Variants in SALL2 observed in about 807,000 individuals in gnomAD.
SALL2 encodes the protein sal-like protein 2.
A neutral mutation model predicts 58.5 loss-of-function variants in SALL2; 32 were observed. That is an observed-to-expected ratio of 0.55 (90% CI 0.41 to 0.74). The LOEUF is 0.74. SALL2 is among the 30% of genes least tolerant of loss of function. The pLI is 0.00. For synonymous variants in SALL2, 516 were observed against 513.6 expected, an observed-to-expected ratio of 1.00 and a Z score of -0.06; for missense variants, 1,201 against 1,268.9, an observed-to-expected ratio of 0.95 and a Z score of 0.81.
intron 1 of SALL2, among the ~76,000 whole-genome samples, chr14:21,534,040 A>G (rs535257349): frequency 2.2e-4 from 34 of 152,366 alleles, no homozygotes; most frequent in African/African-American, 7.9e-4. Flanking sequence ...ACATAAGTGA[A>G]TAGAAACCCT....
chr14:21,529,001 T>TAATG (rs1461247460), upstream of SALL2, among the ~76,000 whole-genome samples: 1 of 152,248 alleles, frequency 6.6e-6, no homozygotes, highest in African/African-American at 2.4e-5. Flanking sequence ...TCTTGCTCTT[T>TAATG]AATGAAATGT....
In SALL2 at chr14:21,525,984, C is replaced by G. The variant is rs1489133710; in HGVS notation, c.67+77G>C. 1.5e-6 allele frequency: 2 copies of G among 1,304,680 alleles called. No individual in the cohort carries two copies. The highest frequency in any genetic ancestry group is 1.5e-5 in the African/African-American group (1 of 68,352). The allele number at this position is 1,304,680 out of a possible 1,614,324, so 80.8% of individuals were successfully genotyped here. A position where few individuals can be genotyped will look rare whatever the true frequency, so the allele number is the denominator to read the frequency against. ...GCAGAGAATCATGCATTTTCTCCCACCCACCGAAAGTCTTCGCCGCCCCTG... is the reference window on the plus strand; with the variant it reads ...GCAGAGAATCATGCATTTTCTCCCAGCCACCGAAAGTCTTCGCCGCCCCTG... On this transcript the variant is annotated intron_variant, in intron 1 of 1. Transcript: ENST00000537235. This position sits in a 1 kb window ranked among gnomAD's most constrained non-coding sequence, Gnocchi z 4.4.
chr14:21,522,481 C>T lies in SALL2; in HGVS notation c.*223G>A. ...AGAAAGCTGCAGAGAATCTATGTTC[C>T]TCAGGTACAAAGAATGAGGAGGGAA... On this transcript the variant is annotated 3_prime_UTR_variant, in exon 2 of 2. Transcript: ENST00000537235. 2.2e-6 allele frequency: 3 copies of T among 1,395,352 alleles called. No individual in the cohort carries two copies. 86.4% of individuals were successfully genotyped at this position (1,395,352 alleles called of 1,614,324 possible).
chr14:21,526,225 C>T lies in SALL2; in HGVS notation c.-98G>A. 14 of 1,495,846 alleles carry T rather than the reference C, an allele frequency of 9.4e-6. No homozygotes were observed. The highest frequency in any genetic ancestry group is 1.2e-5 in the Non-Finnish European group (13 of 1,124,292). The allele number at this position is 1,495,846 out of a possible 1,614,324, so 92.7% of individuals were successfully genotyped here. A position where few individuals can be genotyped will look rare whatever the true frequency, so the allele number is the denominator to read the frequency against. ...CTGGGTCTGCGGCAGCCTCTGCACC[C>T]AGCGGCCCAGACTGCGGAGATGGAG... On this transcript the variant is annotated 5_prime_UTR_variant, in exon 1 of 2. Coordinates refer to ENST00000537235, the MANE Select transcript of SALL2 (RefSeq NM_001364564.1).
rs1279839704 is a variant in SALL2, at chr14:21,524,652, T to C, written c.1070A>G (p.Tyr357Cys). 2 of 1,614,144 alleles carry C rather than the reference T, an allele frequency of 1.2e-6. No individual in the cohort carries two copies. The highest frequency in any genetic ancestry group is 2.2e-5 in the South Asian group (2 of 91,090). ...CTCCAAGGGACCCATCACTTCTCCG[T>C]AGCTCAGCTCACCACTTCCATTCTT... The part of the protein sequence containing the change: ...KPKNGSGELS[Y>C]GEVMGPLEKP... The change falls in exon 2 of 2, where the codon TAC (tyrosine) becomes TGC (cysteine). Residue 357 changes from tyrosine to cysteine, a missense_variant. By Grantham distance (194) the Tyr-to-Cys change is radical (BLOSUM62 -2). Around this residue, in one of 3 missense-constraint regions of SALL2, gnomAD observed 467 missense variants for 468.9 expected, o/e 1.00. Transcript: ENST00000537235.
Position 21,522,935 on chromosome 14 carries a change from C to A in SALL2, c.2787G>T (p.Lys929Asn). 1.2e-6 allele frequency: 2 copies of A among 1,614,042 alleles called. No individual in the cohort carries two copies. Among genetic ancestry groups the A allele is most frequent in the Non-Finnish European group, 1.7e-6 (2 of 1,179,976 alleles). Residue 929 changes from lysine to asparagine, a missense_variant, in exon 2 of 2, where the codon AAG becomes AAT. This residue lies in a region of SALL2 where 675 missense variants were observed against 683.8 expected (regional missense o/e 0.99). Transcript: ENST00000537235. ...PSQAALEEHQ[K>N]THPKEGPLFT... ...AGAGCGGCCCCTCCTTGGGGTGGGT[C>A]TTCTGATGCTCCTCCAGAGCTGCCT...
chr14:21,535,289 G>A (rs980535594), intron 1 of SALL2, among the ~76,000 whole-genome samples: 1 of 149,482 alleles, frequency 6.7e-6, no homozygotes, highest in Non-Finnish European at 1.5e-5. Context: ...AGCGGGCAGT[G>A]AGCCAAGATT....
chr14:21,535,324 G>A (rs1477803299), intron 1 of SALL2, among the ~76,000 whole-genome samples: 9 of 142,730 alleles, frequency 6.3e-5, no homozygotes, highest in East Asian at 4.0e-4. Context: ...CAACCTGGGC[G>A]ACAGAGCGAG....
rs1299128097 is a variant in SALL2, at chr14:21,525,018, G to A, written c.704C>T (p.Pro235Leu). 4.3e-6 allele frequency: 7 copies of A among 1,613,738 alleles called. No homozygotes were observed. Among genetic ancestry groups the A allele is most frequent in the East Asian group, 2.2e-5 (1 of 44,888 alleles). ...GATGGGGCTGAAGAGGGGTAGTAGG[G>A]GCTTGGTGGAAGAGGCAGTCCCTGT... Reference protein sequence around the residue: ...PGTGTASSTKPLLPLFSPIKP... With the variant: ...PGTGTASSTKLLLPLFSPIKP... The change falls in exon 2 of 2, where the codon CCC becomes CTC. Residue 235 changes from proline to leucine, a missense_variant. Pro to Leu is a moderately conservative substitution (Grantham distance 98). Transcript: ENST00000537235. The surrounding 1 kb of genome is among the most constrained non-coding windows in gnomAD (Gnocchi z 4.4).
chr14:21,525,353 G>A lies in SALL2; in HGVS notation c.369C>T (p.Phe123=), dbSNP rs1338146595. 2 of 1,614,028 alleles carry A rather than the reference G, an allele frequency of 1.2e-6. No individual in the cohort carries two copies. Among genetic ancestry groups the A allele is most frequent in the Admixed American group, 3.3e-5 (2 of 60,008 alleles). The change falls in exon 2 of 2, where the codon TTC becomes TTT. Residue 123 remains phenylalanine (F), a synonymous_variant. Transcript: ENST00000537235. The surrounding 1 kb of genome is among the most constrained non-coding windows in gnomAD (Gnocchi z 4.4). ...CCGCTGTACCTGTGGCAGCGACCAGGAAATGCCCTGAAGACTCCTCTCCTC... is the reference window on the plus strand; with the variant it reads ...CCGCTGTACCTGTGGCAGCGACCAGAAAATGCCCTGAAGACTCCTCTCCTC... ...ERRGEESSGH[F]LVAATGTAAG...
At chr14:21,536,715 C>T (rs1050919138) in intron 1 of SALL2, 1 of 643,678 alleles carries the variant, frequency 1.6e-6, no homozygotes, top group Non-Finnish European at 2.8e-6. Flanking sequence ...CCCTGCATCT[C>T]AACTCCTTCA....
In SALL2 at chr14:21,524,617, C is replaced by T; in HGVS notation, c.1105G>A (p.Gly369Arg). 6.2e-7 allele frequency: 1 copy of T among 1,614,202 alleles called. No individual in the cohort carries two copies. Among genetic ancestry groups the T allele is most frequent in the Non-Finnish European group, 8.5e-7 (1 of 1,180,028 alleles). ...EVMGPLEKPG[G>R]RHKCRFCAKV... ...GCACAGAAGCGGCATTTGTGCCTTC[C>T]ACCAGGCTTCTCCAAGGGACCCATC... The change falls in exon 2 of 2, where the codon GGA (glycine) becomes AGA (arginine). Residue 369 changes from glycine to arginine, a missense_variant. This residue lies in a region of SALL2 where 467 missense variants were observed against 468.9 expected (regional missense o/e 1.00). Coordinates refer to ENST00000537235, the MANE Select transcript of SALL2 (RefSeq NM_001364564.1).
intron 1 of SALL2, among the ~76,000 whole-genome samples, chr14:21,533,779 G>A (rs950193611): frequency 1.3e-5 from 2 of 152,044 alleles, no homozygotes; most frequent in African/African-American, 4.8e-5. Context: ...CAGAATTTTG[G>A]CTTTTAAAAT....
chr14:21,535,729 T>C (rs1892581080), intron 1 of SALL2, among the ~76,000 whole-genome samples: 1 of 152,216 alleles, frequency 6.6e-6, no homozygotes, highest in Admixed American at 6.5e-5. Flanking sequence ...CTTAATCCTA[T>C]ACTATACTGT....
In SALL2 at chr14:21,536,673, G is replaced by A. The variant is rs562803606; in HGVS notation, c.-114+289C>T. On this transcript the variant is annotated intron_variant, in intron 1 of 1. Coordinates refer to the SALL2 transcript ENST00000541965. ...CAGAATCAATCCCAAGTAACAAGCG[G>A]GGCTTCTCCCCAGCGCAGGTCATCT... Among the ~76,000 whole-genome samples, 61 of 152,270 alleles carry A rather than the reference G, an allele frequency of 4.0e-4. 1 individual carries two copies. Among genetic ancestry groups the A allele is most frequent in the Non-Finnish European group, 7.2e-4 (49 of 68,020 alleles).
At chr14:21,535,360 AAAAAAG>A (rs1351138279) in intron 1 of SALL2, among the ~76,000 whole-genome samples, 1 of 149,628 alleles carries the variant, frequency 6.7e-6, no homozygotes, top group East Asian at 2.2e-4. Context: ...AAAAAAAAGA[AAAAAAG>A]AAAAAGAAAA....
chr14:21,523,904 G>A lies in SALL2; in HGVS notation c.1818C>T (p.Thr606=), dbSNP rs1892160740. The change falls in exon 2 of 2, where the codon ACC becomes ACT. Residue 606 remains threonine, a synonymous_variant. Coordinates refer to ENST00000537235, the MANE Select transcript of SALL2 (RefSeq NM_001364564.1). This position sits in a 1 kb window ranked among gnomAD's most constrained non-coding sequence, Gnocchi z 4.4. ...KIDRQGAVAV[T]SAASGAPTTS... The stretch of plus-strand genomic sequence containing the variant: ...TGGTGGGGGCTCCTGAGGCAGCTGA[G>A]GTCACCGCCACAGCTCCTTGCCGGT... 1.2e-6 allele frequency: 2 copies of A among 1,614,100 alleles called. No individual in the cohort carries two copies. Among genetic ancestry groups the A allele is most frequent in the Non-Finnish European group, 1.7e-6 (2 of 1,180,054 alleles).
chr14:21,532,836 G>A (rs981712563), intron 1 of SALL2, among the ~76,000 whole-genome samples: 7 of 151,524 alleles, frequency 4.6e-5, no homozygotes, highest in Admixed American at 6.6e-5. Context: ...GGTGGCGGGC[G>A]CCTGTAGTCC....
Position 21,524,220 on chromosome 14 carries a change from G to T in SALL2, c.1502C>A (p.Pro501Gln). Residue 501 changes from proline (P) to glutamine (Q), a missense_variant, in exon 2 of 2, where the codon CCA (proline) becomes CAA (glutamine). Pro to Gln is a moderately conservative substitution (Grantham distance 76, BLOSUM62 -1). Transcript: ENST00000537235. ...AAACTTATTGAAAGCAGGGAGTCCTGGAGCCGTGGCTGTGCCTGCACTGGT... is the reference window on the plus strand; with the variant it reads ...AAACTTATTGAAAGCAGGGAGTCCTTGAGCCGTGGCTGTGCCTGCACTGGT... Reference protein sequence around the residue: ...LSTSAGTATAPGLPAFNKFVL... With the variant: ...LSTSAGTATAQGLPAFNKFVL... 6.2e-7 allele frequency: 1 copy of T among 1,612,578 alleles called. No individual in the cohort carries two copies. The highest frequency in any genetic ancestry group is 2.2e-5 in the East Asian group (1 of 44,876).
Sources: gnomAD v4.1 joint callset for allele counts (sites outside exome capture counted in the v4.1 genomes callset) on GRCh38, gnomAD v4.1.1 for gene constraint, gnomAD v4.1.1 regional missense constraint, Gnocchi (gnomAD v3.1) non-coding constraint, MANE v1.5 for transcripts, NCBI Gene and HGNC (gene_info 2026-07-23, HGNC 2026-07-21) for gene names.